Variants in PCGF3 observed in about 807,000 individuals in gnomAD.
PCGF3 encodes polycomb group RING finger protein 3.
A neutral mutation model predicts 33.1 loss-of-function variants in PCGF3; 7 were observed. The ratio of observed to expected loss-of-function variants is 0.21; its 90% CI spans 0.12 to 0.40. The LOEUF (loss-of-function observed/expected upper bound fraction) is 0.40, where lower values mean the gene tolerates loss of function less well. PCGF3 is among the 10% of genes least tolerant of loss of function. The pLI is 1.00. For synonymous variants in PCGF3, 153 were observed against 121.3 expected, an observed-to-expected ratio of 1.26 and a Z score of -1.72; for missense variants, 211 against 313.3, an observed-to-expected ratio of 0.67 and a Z score of 2.46.
intron 6 of PCGF3, among the ~76,000 whole-genome samples, chr4:737,723 C>T (rs73221131): frequency 0.033 from 5,021 of 152,284 alleles, 134 homozygotes; most frequent in South Asian, 0.089. Flanking sequence ...CTTTTTACCC[C>T]TTATGTGTAT....
intron 10 of PCGF3, 58 bp from the exon 11 acceptor site, chr4:765,974 A>C: frequency 6.0e-6 from 9 of 1,494,326 alleles, no homozygotes; most frequent in Non-Finnish European, 8.4e-6. Flanking sequence ...CCGATGAAGT[A>C]GGTCCTTCTC....
In PCGF3 at chr4:744,589, T is replaced by G; in HGVS notation, c.374-11T>G. The G allele has an allele frequency of 1.9e-6, 3 of 1,548,346 alleles. No individual in the cohort carries two copies. The highest frequency in any genetic ancestry group is 2.6e-6 in the Non-Finnish European group (3 of 1,143,366). On this transcript the variant is annotated splice_polypyrimidine_tract_variant and intron_variant, in intron 7 of 10. Transcript: ENST00000362003. ...ATTTCATGGTGCGCTATGTTCTGTT[T>G]GTGCTAAAAGGTGAAACCAAAGCAG... is the stretch of plus-strand genomic sequence containing the variant.
chr4:761,708 T>C (rs13130034), intron 9 of PCGF3: 64,310 of 985,168 alleles, frequency 0.065, 2,167 homozygotes, highest in Middle Eastern at 0.11. Flanking sequence ...AAACGAGAAA[T>C]TCTGTGCTTT....
intron 1 of PCGF3, among the ~76,000 whole-genome samples, chr4:726,075 G>T (rs1489193949): frequency 6.6e-6 from 1 of 152,220 alleles, no homozygotes; most frequent in Non-Finnish European, 1.5e-5. Context: ...GGGCGGGATG[G>T]GCTGTGGGGC....
In PCGF3 at chr4:721,232, G is replaced by C. The variant is rs1743063540; in HGVS notation, c.-189-9398G>C. Among the ~76,000 whole-genome samples, 1 of 152,200 alleles carries C rather than the reference G, an allele frequency of 6.6e-6. No homozygotes were observed. The highest frequency in any genetic ancestry group is 2.4e-5 in the African/African-American group (1 of 41,454). ...TCCCCAGTGAGGCTGTTCCACGGTGGCACAGGACACGCCTGCAGCTTTGTG... is the reference window on the plus strand; with the variant it reads ...TCCCCAGTGAGGCTGTTCCACGGTGCCACAGGACACGCCTGCAGCTTTGTG... On this transcript the variant is annotated intron_variant, in intron 1 of 10. Transcript: ENST00000362003. This position sits in a 1 kb window ranked among gnomAD's most constrained non-coding sequence, Gnocchi z 4.1.
At chr4:741,634 C>G (rs1017642431) in intron 6 of PCGF3, among the ~76,000 whole-genome samples, 2 of 152,140 alleles carry the variant, frequency 1.3e-5, no homozygotes, top group African/African-American at 4.8e-5. Flanking sequence ...GTCTCGAACT[C>G]CTGACCTCAT....
At chr4:719,042 C>T (rs1033655565) in intron 1 of PCGF3, among the ~76,000 whole-genome samples, 1 of 152,058 alleles carries the variant, frequency 6.6e-6, no homozygotes, top group Non-Finnish European at 1.5e-5. Flanking sequence ...GCAACCTCTG[C>T]TATACAGGTT....
intron 3 of PCGF3, 198 bp downstream of exon 3, chr4:731,308 A>G: frequency 2.5e-6 from 1 of 398,402 alleles, no homozygotes; most frequent in Non-Finnish European, 4.4e-6. Flanking sequence ...CCAGGCCTCG[A>G]TGGCAGTGCG....
intron 8 of PCGF3, among the ~76,000 whole-genome samples, chr4:755,904 CTTTTTTTTTTTTTTT>C (rs570528684): frequency 6.5e-4 from 57 of 87,202 alleles, no homozygotes; most frequent in African/African-American, 1.0e-3. Context: ...CAGAATTGTC[CTTTTTTTTTTTTTTT>C]TTTTTTTTTT....
At position 716,850 on chromosome 4, in the gene PCGF3, A is replaced by G. The variant is rs1187609254; in HGVS notation, c.-190+10880A>G. On this transcript the variant is annotated intron_variant, in intron 1 of 10. Transcript: ENST00000362003. ...CTGGGCGTCGGTGCTGGGACCCTCT[A>G]GACACTGTGAGTGTGAGAACTGGGC... Among the ~76,000 whole-genome samples, 43 of 115,496 alleles carry G rather than the reference A, an allele frequency of 3.7e-4. 1 individual carries two copies. Among genetic ancestry groups the G allele is most frequent in the Non-Finnish European group, 6.2e-4 (35 of 56,438 alleles). 75.8% of individuals were successfully genotyped at this position (115,496 alleles called of 152,430 possible).
At chr4:725,598 G>A (rs1443152348) in intron 1 of PCGF3, among the ~76,000 whole-genome samples, 120 of 147,354 alleles carry the variant, frequency 8.1e-4, no homozygotes, top group African/African-American at 2.8e-3. Flanking sequence ...GCTCTGCGCT[G>A]TGGCTGTGTG....
chr4:738,720 G>A (rs932505218), intron 6 of PCGF3, among the ~76,000 whole-genome samples: 2 of 151,664 alleles, frequency 1.3e-5, no homozygotes, highest in African/African-American at 2.4e-5. Context: ...TTAGTCGGGC[G>A]TGGTGTCAGG....
chr4:764,159 C>G (rs1262461080), intron 9 of PCGF3, among the ~76,000 whole-genome samples: 1 of 152,210 alleles, frequency 6.6e-6, no homozygotes, highest in Non-Finnish European at 1.5e-5. Flanking sequence ...GAGGTGATGT[C>G]AGTGCAGGTT....
At chr4:766,327 C>T in exon 11 of PCGF3, 1 of 441,008 alleles carries the variant, frequency 2.3e-6, no homozygotes, top group Non-Finnish European at 4.1e-6. Flanking sequence ...CGTGCTTCAG[C>T]CTTGCAGGGA....
chr4:748,617 C>A (rs983522003), intron 8 of PCGF3, among the ~76,000 whole-genome samples: 1 of 152,186 alleles, frequency 6.6e-6, no homozygotes, highest in Non-Finnish European at 1.5e-5. Flanking sequence ...TAGAGAAGAG[C>A]GGCCAGTTCA....
chr4:726,619 C>G (rs973172016), intron 1 of PCGF3, among the ~76,000 whole-genome samples: 1 of 152,168 alleles, frequency 6.6e-6, no homozygotes, highest in Non-Finnish European at 1.5e-5. Flanking sequence ...ATGACGATAC[C>G]CTCCTTAGCA....
chr4:732,911 C>T (rs901782747), intron 3 of PCGF3, among the ~76,000 whole-genome samples: 5 of 152,244 alleles, frequency 3.3e-5, no homozygotes, highest in Non-Finnish European at 5.9e-5. Flanking sequence ...TGCCTGCCGT[C>T]GTGCGGTGAC....
chr4:763,887 C>T (rs531674331), intron 9 of PCGF3, among the ~76,000 whole-genome samples: 1 of 152,334 alleles, frequency 6.6e-6, no homozygotes, highest in South Asian at 2.1e-4. Flanking sequence ...AAGAAATGAG[C>T]AGTCGGGCCA....
At chr4:742,845 G>C (rs529647790) in intron 6 of PCGF3, among the ~76,000 whole-genome samples, 2 of 152,346 alleles carry the variant, frequency 1.3e-5, no homozygotes, top group South Asian at 4.1e-4. Flanking sequence ...CGGGGTGCCA[G>C]AGCTCATAGC....
Sources: allele counts gnomAD v4.1 joint callset (sites outside exome capture counted in the v4.1 genomes callset), GRCh38; gene constraint gnomAD v4.1.1; non-coding constraint Gnocchi (gnomAD v3.1); transcripts MANE v1.5; gene names NCBI Gene and HGNC (gene_info 2026-07-23, HGNC 2026-07-21).